RCC1: variants seen among roughly 807,000 people sequenced by gnomAD.
RCC1 encodes the protein regulator of chromosome condensation.
RCC1 carries 11 observed loss-of-function variants against 44.4 expected under a neutral mutation model. The observed-to-expected ratio is 0.25, with a 90% confidence interval of 0.16 to 0.41. The LOEUF (loss-of-function observed/expected upper bound fraction) is 0.41, where lower values mean the gene tolerates loss of function less well. RCC1 is among the 10% of genes least tolerant of loss of function. The pLI is 1.00. For missense variants in RCC1, 386 were observed against 547.1 expected, an observed-to-expected ratio of 0.71 and a Z score of 2.94; for synonymous variants, 213 against 216.5, an observed-to-expected ratio of 0.98 and a Z score of 0.14.
At position 28,536,237 on chromosome 1, in the gene RCC1, C is replaced by T; in HGVS notation, c.818-25C>T. The T allele has an allele frequency of 1.2e-6, 2 of 1,611,588 alleles. No homozygotes were observed. Among genetic ancestry groups the T allele is most frequent in the South Asian group, 2.2e-5 (2 of 90,602 alleles). ...GGCAGCTCTCAGAACACCTTCACCC[C>T]TGATGGCTCCGGCCTTTCCCCCAGG... On this transcript the variant is annotated intron_variant, in intron 10 of 12. Coordinates refer to ENST00000683442, the MANE Select transcript of RCC1 (RefSeq NM_001381865.2). This position sits in a 1 kb window ranked among gnomAD's most constrained non-coding sequence, Gnocchi z 4.9.
At chr1:28,515,107 GTC>G (rs1024918308) in intron 3 of RCC1, among the ~76,000 whole-genome samples, 6 of 152,050 alleles carry the variant, frequency 3.9e-5, no homozygotes, top group Non-Finnish European at 8.8e-5. Context: ...GTGAAACCCT[GTC>G]TCTACCAAAA....
Position 28,535,863 on chromosome 1 carries a change from G to A in RCC1, c.662-8G>A, listed in dbSNP as rs1403315698. ...TGTCACTGACCGTGGCTTTCCCTTT[G>A]CCTGCAGAACGACTCCTGGTCCCCA... is the stretch of plus-strand genomic sequence containing the variant. On this transcript the variant is annotated splice_polypyrimidine_tract_variant and splice_region_variant and intron_variant, in intron 9 of 12. Coordinates refer to ENST00000683442, the MANE Select transcript of RCC1 (RefSeq NM_001381865.2). The A allele has an allele frequency of 1.2e-6, 2 of 1,609,652 alleles. No individual in the cohort carries two copies. Among genetic ancestry groups the A allele is most frequent in the South Asian group, 2.2e-5 (2 of 90,528 alleles).
intron 4 of RCC1, among the ~76,000 whole-genome samples, chr1:28,523,299 G>A (rs537385920): frequency 2.0e-5 from 3 of 152,138 alleles, no homozygotes; most frequent in East Asian, 1.9e-4. Flanking sequence ...GATTACAGGC[G>A]TGAGCCACCG....
At chr1:28,526,780 C>T (rs1183750231) in intron 4 of RCC1, 2 of 550,530 alleles carry the variant, frequency 3.6e-6, no homozygotes, top group Non-Finnish European at 6.5e-6. Context: ...CCTGTAATTC[C>T]AGGTACTCAG....
rs183173841 is a variant in RCC1 at position 28,520,799 on chromosome 1, C to T, written c.-10+3932C>T. Among the ~76,000 whole-genome samples, 410 of 152,222 alleles carry T rather than the reference C, an allele frequency of 2.7e-3. 1 individual carries two copies. Among genetic ancestry groups the T allele is most frequent in the African/African-American group, 9.3e-3 (387 of 41,534 alleles). On this transcript the variant is annotated intron_variant, in intron 4 of 12. Coordinates refer to ENST00000683442, the MANE Select transcript of RCC1 (RefSeq NM_001381865.2). ...TGGTTAAGAAAACAGCCAGAGAGGC[C>T]GGGCTCGGTGGCTCACGACTGTAAC...
chr1:28,528,293 T>C (rs1663823246), intron 4 of RCC1, among the ~76,000 whole-genome samples: 1 of 151,662 alleles, frequency 6.6e-6, no homozygotes, highest in Admixed American at 6.6e-5. Flanking sequence ...TCGTCTCTAC[T>C]AAAAATACAA....
Position 28,531,902 on chromosome 1 carries a change from A to G in RCC1, c.173A>G (p.Lys58Arg). ...LGLGENVMER[K>R]KPALVSIPED... is the part of the protein sequence containing the mutation. ...CTGGGTGAGAATGTGATGGAGAGGA[A>G]GAAGCCGGCCCTGGTATCCATTCCG... is the stretch of plus-strand genomic sequence containing the variant. Residue 58 changes from lysine to arginine, a missense_variant, in exon 6 of 13, where the codon AAG becomes AGG. Physicochemically the swap from Lys to Arg is conservative, Grantham distance 26. Transcript: ENST00000683442. 6.2e-7 allele frequency: 1 copy of G among 1,609,872 alleles called. No individual in the cohort carries two copies. Among genetic ancestry groups the G allele is most frequent in the Non-Finnish European group, 8.5e-7 (1 of 1,177,926 alleles).
chr1:28,538,049 C>T lies in RCC1; in HGVS notation c.*42C>T, dbSNP rs759540551. ...CTGGCTTCTGTCCTGCACAACCTCC[C>T]TCACAGAACAGGGAAGCAGTGACAG... On this transcript the variant is annotated 3_prime_UTR_variant, in exon 13 of 13. Transcript: ENST00000683442. The T allele has an allele frequency of 6.3e-7, 1 of 1,579,800 alleles. No individual in the cohort carries two copies. The highest frequency in any genetic ancestry group is 8.6e-7 in the Non-Finnish European group (1 of 1,160,090).
At chr1:28,508,662 TGAA>T (rs781719691) in intron 2 of RCC1, 165 bp from the exon 3 acceptor site, 1 of 518,970 alleles carries the variant, frequency 1.9e-6, no homozygotes, top group South Asian at 1.4e-5. Context: ...TCCACAACGT[TGAA>T]GATGAAGCTG....
rs528053430 is a variant in RCC1, at chr1:28,529,324, C to G, written c.-9-534C>G. The stretch of plus-strand genomic sequence containing the variant: ...TCAGCCTCCTGAGTAGCTGGGATTA[C>G]AGGTGCCCATCACTGTGCCTGGCTA... On this transcript the variant is annotated intron_variant, in intron 4 of 12. Coordinates refer to ENST00000683442, the MANE Select transcript of RCC1 (RefSeq NM_001381865.2). Among the ~76,000 whole-genome samples, 9 of 150,674 alleles carry G rather than the reference C, an allele frequency of 6.0e-5. No individual in the cohort carries two copies. The East Asian group carries it at 1.6e-3, about 26-fold the overall frequency.
At chr1:28,510,597 CAAA>C (rs888714073) in intron 3 of RCC1, 3 of 151,672 alleles carry the variant, frequency 2.0e-5, no homozygotes, top group Non-Finnish European at 2.9e-5. Flanking sequence ...AGTTAAGTCT[CAAA>C]AAAAAGGCAT....
At chr1:28,535,584 AC>A in intron 9 of RCC1, 1 of 845,764 alleles carries the variant, frequency 1.2e-6, no homozygotes, top group South Asian at 1.4e-5. Context: ...CACTAAGTCT[AC>A]CTACCTGTAA....
rs369534511 is a variant in RCC1, at chr1:28,515,114, CCAAAAATA to C, written c.-152-1603_-152-1596del. On this transcript the variant is annotated intron_variant, in intron 3 of 12. Transcript: ENST00000683442. ...CCAACATAGTGAAACCCTGTCTCTA[CCAAAAATA>C]CAAAAATTAGATGGGCAATTAGCTG... 3.2e-3 allele frequency among the ~76,000 whole-genome samples: 477 copies of C among 151,184 alleles called. 2 individuals carry two copies. The highest frequency in any genetic ancestry group is 0.011 in the African/African-American group (438 of 41,192).
chr1:28,525,550 A>C (rs1663591492), intron 4 of RCC1, among the ~76,000 whole-genome samples: 1 of 152,178 alleles, frequency 6.6e-6, no homozygotes, highest in Non-Finnish European at 1.5e-5. Context: ...GTTCCCTCTA[A>C]TCCCAAAGAA....
intron 5 of RCC1, chr1:28,530,445 C>G (rs547119657): frequency 7.5e-7 from 1 of 1,340,440 alleles, no homozygotes; most frequent in South Asian, 1.3e-5. Context: ...CGGAGGGGGA[C>G]AGGGAGGAGA....
At chr1:28,510,653 T>A (rs1227965780) in intron 3 of RCC1, 1 of 152,216 alleles carries the variant, frequency 6.6e-6, no homozygotes, top group Non-Finnish European at 1.5e-5. Flanking sequence ...TGCCAGGCAC[T>A]GTTCTAGGTA....
chr1:28,517,862 C>T (rs770079399), intron 4 of RCC1, among the ~76,000 whole-genome samples: 1 of 152,152 alleles, frequency 6.6e-6, no homozygotes, highest in Non-Finnish European at 1.5e-5. Context: ...AGTCAGATGC[C>T]CCTCTGGGTA....
intron 2 of RCC1, chr1:28,508,388 C>G (rs1662204830): frequency 2.8e-6 from 1 of 358,722 alleles, no homozygotes; most frequent in Admixed American, 3.7e-5. Context: ...TTTTAGTCAG[C>G]TCATTAAAAG....
chr1:28,535,723 G>T (rs930291725), intron 9 of RCC1, 148 bp from the exon 10 acceptor site: 2 of 907,274 alleles, frequency 2.2e-6, no homozygotes, highest in Non-Finnish European at 3.6e-6. Context: ...GTATTCTCTT[G>T]ATCTCAGTTT....
Sources: allele counts gnomAD v4.1 joint callset (sites outside exome capture counted in the v4.1 genomes callset), GRCh38; gene constraint gnomAD v4.1.1; non-coding constraint Gnocchi (gnomAD v3.1); transcripts MANE v1.5; gene names NCBI Gene and HGNC (gene_info 2026-07-23, HGNC 2026-07-21).